The following GOLGA4 variants were observed in gnomAD, a reference collection of about 807,000 sequenced individuals.
The protein encoded by GOLGA4 is golgin subfamily A member 4.
GOLGA4 carries 169 observed loss-of-function variants against 265.9 expected under a neutral mutation model. The observed-to-expected ratio is 0.64, with a 90% CI of 0.56 to 0.72. The LOEUF (loss-of-function observed/expected upper bound fraction) is 0.72, where lower values mean the gene tolerates loss of function less well. GOLGA4 is among the 30% of genes least tolerant of loss of function. GOLGA4 has a pLI of 0.00. For synonymous variants in GOLGA4, 923 were observed against 855.8 expected, an observed-to-expected ratio of 1.08 and a Z score of -1.37; for missense variants, 2,482 against 2,483.4, an observed-to-expected ratio of 1.00 and a Z score of 0.01.
intron 16 of GOLGA4, among the ~76,000 whole-genome samples, chr3:37,334,414 A>T (rs1395992637): frequency 6.6e-6 from 1 of 151,994 alleles, no homozygotes; most frequent in East Asian, 1.9e-4. Context: ...TTTACCTCAG[A>T]GAACAACTGG....
chr3:37,321,647 GAAAT>G, intron 12 of GOLGA4, 80 bp from the exon 13 acceptor site: 1 of 1,254,516 alleles, frequency 8.0e-7, no homozygotes, highest in Non-Finnish European at 1.1e-6. Flanking sequence ...CAGATCAAAA[GAAAT>G]GAATGATTCC....
At chr3:37,336,618 A>T (rs1396219402) in intron 17 of GOLGA4, among the ~76,000 whole-genome samples, 1 of 152,050 alleles carries the variant, frequency 6.6e-6, no homozygotes, top group Non-Finnish European at 1.5e-5. Flanking sequence ...AAAAAAAAAA[A>T]AAATTAGCTG....
intron 2 of GOLGA4, among the ~76,000 whole-genome samples, chr3:37,264,869 G>A (rs115607601): frequency 0.018 from 2,812 of 152,036 alleles, 61 homozygotes; most frequent in Non-Finnish European, 0.03. Context: ...CAAATTTTTT[G>A]TATTTTTTGT....
At chr3:37,339,953 T>G (rs907940874) in intron 19 of GOLGA4, among the ~76,000 whole-genome samples, 171 bp from the exon 20 acceptor site, 1 of 152,172 alleles carries the variant, frequency 6.6e-6, no homozygotes, top group Non-Finnish European at 1.5e-5. Context: ...ATCTTTAGTT[T>G]TAGTTTTTTT....
chr3:37,324,023 C>G lies in GOLGA4; in HGVS notation c.2137C>G (p.Gln713Glu). The G allele has an allele frequency of 6.2e-7, 1 of 1,613,596 alleles. No homozygotes were observed. Among genetic ancestry groups the G allele is most frequent in the Non-Finnish European group, 8.5e-7 (1 of 1,179,788 alleles). ...LEEELSVLKDQTDKMKQELEA... is the reference protein window; with the variant it reads ...LEEELSVLKDETDKMKQELEA... ...AGAGGAACTTTCTGTTCTGAAAGAT[C>G]AAACAGATAAAATGAAGCAGGAATT... The change falls in exon 14 of 24, where the codon CAA (glutamine) becomes GAA (glutamate). Residue 713 changes from glutamine (Q) to glutamate (E), a missense_variant. Around this residue, in one of 3 missense-constraint regions of GOLGA4, gnomAD observed 1,536 missense variants for 1,483.7 expected, o/e 1.04. Coordinates refer to ENST00000361924, the MANE Select transcript of GOLGA4 (RefSeq NM_002078.5).
intron 21 of GOLGA4, among the ~76,000 whole-genome samples, chr3:37,351,409 C>G (rs1192752890): frequency 6.6e-6 from 1 of 152,128 alleles, no homozygotes. Context: ...TTGGAATCTT[C>G]TTCCAAACCC....
chr3:37,243,840 G>A (rs1218820102), intron 1 of GOLGA4: 5 of 571,660 alleles, frequency 8.7e-6, no homozygotes, highest in Non-Finnish European at 1.6e-5. Context: ...CAGTCAATGA[G>A]TGGATGGGGG....
At chr3:37,337,035 A>G (rs1223416320) in intron 17 of GOLGA4, 108 bp from the exon 18 acceptor site, 3 of 719,434 alleles carry the variant, frequency 4.2e-6, no homozygotes, top group Admixed American at 2.7e-5. Flanking sequence ...CTCCCTTGAG[A>G]CTCTTAACCC....
chr3:37,286,134 C>CTTTTTTTT (rs1559383108), intron 4 of GOLGA4, 73 bp downstream of exon 4: 13 of 149,206 alleles, frequency 8.7e-5, no homozygotes, highest in African/African-American at 4.9e-4. Flanking sequence ...TAAGATATTT[C>CTTTTTTTT]TTTCTTTTTT....
At chr3:37,351,763 C>A (rs1372575759) in intron 21 of GOLGA4, among the ~76,000 whole-genome samples, 1 of 152,086 alleles carries the variant, frequency 6.6e-6, no homozygotes, top group East Asian at 1.9e-4. Flanking sequence ...CAACAGTGGG[C>A]TTCAGATATT....
In GOLGA4 at chr3:37,352,844, C is replaced by T. The variant is rs371974683; in HGVS notation, c.6577-2257C>T. Among the ~76,000 whole-genome samples the T allele has an allele frequency of 7.0e-4, 107 of 152,172 alleles. 3 individuals are homozygous for T. Among genetic ancestry groups the T allele is most frequent in the Middle Eastern group, 3.4e-3 (1 of 294 alleles). On this transcript the variant is annotated intron_variant, in intron 21 of 23. Transcript: ENST00000361924. Reference sequence around the variant, plus strand: ...AATTTCCTTTCAAGAACTTGTTTTACGTTTACAACTTGGCTAACTGGCATA... The same window carrying T: ...AATTTCCTTTCAAGAACTTGTTTTATGTTTACAACTTGGCTAACTGGCATA...
Position 37,326,858 on chromosome 3 carries a change from CAAATG to C in GOLGA4, c.4973_4977del (p.Gln1658ArgfsTer8). ...TGCCATTAAGAAGCAGTTGTTATCTCAAATGGAAGAGAAAGAAGAACAGTATAAAA... is the reference window on the plus strand; with the variant it reads ...TGCCATTAAGAAGCAGTTGTTATCTCGAAGAGAAAGAAGAACAGTATAAAA... On this transcript the variant is annotated frameshift_variant, in exon 14 of 24. Coordinates refer to ENST00000361924, the MANE Select transcript of GOLGA4 (RefSeq NM_002078.5). LOFTEE classifies it high-confidence loss of function. 6.2e-7 allele frequency: 1 copy of C among 1,613,448 alleles called. No individual in the cohort carries two copies. Among genetic ancestry groups the C allele is most frequent in the Non-Finnish European group, 8.5e-7 (1 of 1,179,754 alleles).
At chr3:37,301,372 C>T (rs1314278978) in intron 9 of GOLGA4, among the ~76,000 whole-genome samples, 4 of 152,198 alleles carry the variant, frequency 2.6e-5, no homozygotes, top group African/African-American at 9.7e-5. Flanking sequence ...GAGACAGTCA[C>T]AGGAAGAAAG....
In GOLGA4 at chr3:37,266,978, G is replaced by A. The variant is rs750240930; in HGVS notation, c.163-14980G>A. The A allele has an allele frequency of 9.4e-6, 9 of 956,874 alleles. No homozygotes were observed. The South Asian group carries it at 1.3e-4, about 13-fold the overall frequency. The allele number at this position is 956,874 out of a possible 1,614,324, so 59.3% of individuals were successfully genotyped here. A position where few individuals can be genotyped will look rare whatever the true frequency, so the allele number is the denominator to read the frequency against. ...ACCGCTTTCTGCATTCCCTTTGTGGGGAAGCAAAGTAATTTGGCAATTGTA... is the reference window on the plus strand; with the variant it reads ...ACCGCTTTCTGCATTCCCTTTGTGGAGAAGCAAAGTAATTTGGCAATTGTA... On this transcript the variant is annotated intron_variant, in intron 2 of 23. Coordinates refer to ENST00000361924, the MANE Select transcript of GOLGA4 (RefSeq NM_002078.5).
chr3:37,331,900 T>C (rs1254636875), intron 16 of GOLGA4, among the ~76,000 whole-genome samples: 2 of 152,180 alleles, frequency 1.3e-5, no homozygotes, highest in Admixed American at 6.5e-5. Context: ...ACCTGACATA[T>C]AACGGGCTCA....
intron 5 of GOLGA4, among the ~76,000 whole-genome samples, chr3:37,290,475 C>T (rs940634584): frequency 3.9e-5 from 6 of 152,046 alleles, no homozygotes; most frequent in African/African-American, 1.5e-4. Context: ...ATATCATTTA[C>T]CACAATTCCC....
chr3:37,352,161 G>A (rs764719075), intron 21 of GOLGA4, among the ~76,000 whole-genome samples: 3 of 151,842 alleles, frequency 2.0e-5, no homozygotes, highest in Non-Finnish European at 2.9e-5. Flanking sequence ...CCCTTCTCAC[G>A]GCTGCTAATA....
At chr3:37,329,306 C>G in intron 16 of GOLGA4, 1 of 385,046 alleles carries the variant, frequency 2.6e-6, no homozygotes, top group Non-Finnish European at 4.6e-6. Flanking sequence ...ATTCTGCTAA[C>G]TAGGCAGCAC....
intron 20 of GOLGA4, among the ~76,000 whole-genome samples, chr3:37,344,237 G>A (rs965045009): frequency 6.6e-6 from 1 of 152,182 alleles, no homozygotes; most frequent in Non-Finnish European, 1.5e-5. Context: ...AAGTAGCTGG[G>A]ATTACAGGCG....
Sources: gnomAD v4.1 joint callset for allele counts (sites outside exome capture counted in the v4.1 genomes callset) on GRCh38, gnomAD v4.1.1 for gene constraint, gnomAD v4.1.1 regional missense constraint, MANE v1.5 for transcripts, NCBI Gene and HGNC (gene_info 2026-07-23, HGNC 2026-07-21) for gene names.